The following SLC25A21 variants were observed in gnomAD, a reference collection of about 807,000 sequenced individuals.
SLC25A21 encodes solute carrier family 25 member 21, also known as mitochondrial 2-oxodicarboxylate carrier.
In SLC25A21, 47 loss-of-function variants were observed where a neutral mutation model predicts 43.8. That is an observed-to-expected ratio of 1.07 (90% CI 0.85 to 1.37). The LOEUF is 1.37. Among genes scored for constraint, SLC25A21 ranks in the 40% most tolerant of loss-of-function variants. The probability of loss-of-function intolerance (pLI) is 0.00; values close to 1 mark genes in which losing one functional copy is unlikely to be tolerated. For missense variants in SLC25A21, 352 were observed against 350.2 expected, an observed-to-expected ratio of 1.00 and a Z score of -0.04; for synonymous variants, 131 against 121.3, an observed-to-expected ratio of 1.08 and a Z score of -0.52.
chr14:36,977,528 G>A (rs898047246), intron 1 of SLC25A21, among the ~76,000 whole-genome samples: 18 of 152,212 alleles, frequency 1.2e-4, no homozygotes, highest in Non-Finnish European at 2.5e-4. Flanking sequence ...CACTGCCATG[G>A]CCTCCTACCA....
intron 3 of SLC25A21, among the ~76,000 whole-genome samples, chr14:36,807,942 C>T (rs560280468): frequency 3.3e-5 from 5 of 152,246 alleles, no homozygotes; most frequent in African/African-American, 7.2e-5. Flanking sequence ...CAATTATGCT[C>T]GAGCTCATAA....
intron 1 of SLC25A21, among the ~76,000 whole-genome samples, chr14:37,054,816 C>T (rs771616521): frequency 4.6e-5 from 7 of 152,150 alleles, no homozygotes; most frequent in Non-Finnish European, 1.0e-4. Context: ...CCCAATCTCT[C>T]GCAGCAAAAT....
intron 1 of SLC25A21, among the ~76,000 whole-genome samples, chr14:36,899,869 T>C (rs989002264): frequency 6.6e-6 from 1 of 152,206 alleles, no homozygotes; most frequent in Non-Finnish European, 1.5e-5. Flanking sequence ...ACATATTTCA[T>C]GTTTTCTGTT....
chr14:37,148,136 C>T (rs1247317117), intron 1 of SLC25A21, among the ~76,000 whole-genome samples: 2 of 152,040 alleles, frequency 1.3e-5, no homozygotes, highest in African/African-American at 2.4e-5. Flanking sequence ...CCACCCCCAG[C>T]CCTTATTTTC....
At chr14:36,732,460 T>C (rs1232207860) in intron 4 of SLC25A21, among the ~76,000 whole-genome samples, 1 of 152,158 alleles carries the variant, frequency 6.6e-6, no homozygotes, top group African/African-American at 2.4e-5. Context: ...TCTTTTCCTT[T>C]TGCTAACTAC....
chr14:37,112,962 C>CA (rs58168868), intron 1 of SLC25A21, among the ~76,000 whole-genome samples: 32 of 147,472 alleles, frequency 2.2e-4, no homozygotes, highest in Middle Eastern at 3.5e-3. Flanking sequence ...AAAATGGAAA[C>CA]AAAAAAAAAA....
At position 36,679,913 on chromosome 14, in the gene SLC25A21, TAG is replaced by T; in HGVS notation, c.*743_*744del. On this transcript the variant is annotated 3_prime_UTR_variant, in exon 10 of 10. Coordinates refer to ENST00000331299, the MANE Select transcript of SLC25A21 (RefSeq NM_030631.4). ...TTTATTTCATGTTTCCTACTTGTGT[TAG>T]AAGAGATTTGGAATACCTTGATTTA... is the stretch of plus-strand genomic sequence containing the variant. The T allele has an allele frequency of 1.1e-6, 1 of 947,258 alleles. No homozygotes were observed. The highest frequency in any genetic ancestry group is 5.4e-4 in the Middle Eastern group (1 of 1,850). The allele number at this position is 947,258 out of a possible 1,614,324, so 58.7% of individuals were successfully genotyped here.
intron 1 of SLC25A21, among the ~76,000 whole-genome samples, chr14:36,902,402 C>T (rs1448140417): frequency 1.3e-5 from 2 of 151,832 alleles, no homozygotes; most frequent in Non-Finnish European, 2.9e-5. Context: ...AGTGTCTCAA[C>T]TGTGCCATTC....
chr14:37,112,834 G>A (rs1963042980), intron 1 of SLC25A21, among the ~76,000 whole-genome samples: 1 of 152,128 alleles, frequency 6.6e-6, no homozygotes, highest in Non-Finnish European at 1.5e-5. Flanking sequence ...CTTATGGAAT[G>A]AAAACTCCTC....
chr14:37,043,919 T>C, intron 1 of SLC25A21, among the ~76,000 whole-genome samples: 1 of 145,286 alleles, frequency 6.9e-6, no homozygotes, highest in Admixed American at 6.9e-5. Flanking sequence ...GTTTTTTGTT[T>C]TGTTTGTTTT....
chr14:37,108,716 T>A (rs1179434859), intron 1 of SLC25A21, among the ~76,000 whole-genome samples: 7 of 56,772 alleles, frequency 1.2e-4, no homozygotes, highest in African/African-American at 2.1e-4. Context: ...TGTGTGTGTG[T>A]GTGTGTGTGT....
intron 7 of SLC25A21, among the ~76,000 whole-genome samples, chr14:36,706,842 C>T (rs546783795): frequency 2.0e-5 from 3 of 152,112 alleles, no homozygotes; most frequent in East Asian, 4.0e-4. Context: ...CATTTCCATG[C>T]ACACATTCTG....
At position 36,993,200 on chromosome 14, in the gene SLC25A21, A is replaced by G. The variant is rs1349716043; in HGVS notation, c.71-118196T>C. Reference sequence around the variant, plus strand: ...ATCATATTACTGCAAGCTACAACCCAGTGTCGAGTGTGTCCCTGTCTATGA... The same window carrying G: ...ATCATATTACTGCAAGCTACAACCCGGTGTCGAGTGTGTCCCTGTCTATGA... On this transcript the variant is annotated intron_variant, in intron 1 of 9. Transcript: ENST00000331299. Among the ~76,000 whole-genome samples, 7 of 152,262 alleles carry G rather than the reference A, an allele frequency of 4.6e-5. No individual in the cohort carries two copies. In the South Asian group the frequency reaches 8.3e-4, roughly 18 times the overall value.
intron 1 of SLC25A21, among the ~76,000 whole-genome samples, chr14:36,889,057 C>G (rs1314701720): frequency 6.6e-6 from 1 of 152,126 alleles, no homozygotes; most frequent in Non-Finnish European, 1.5e-5. Flanking sequence ...TACACAAATT[C>G]TTTTTGAACT....
chr14:36,981,864 AT>A (rs1960033603), intron 1 of SLC25A21, among the ~76,000 whole-genome samples: 1 of 152,196 alleles, frequency 6.6e-6, no homozygotes, highest in Admixed American at 6.5e-5. Context: ...AATTAAAAAA[AT>A]AAATAAAAAA....
chr14:36,767,713 C>T (rs1886466318), intron 3 of SLC25A21, among the ~76,000 whole-genome samples: 3 of 152,168 alleles, frequency 2.0e-5, no homozygotes, highest in Admixed American at 6.5e-5. Context: ...ATACATATGC[C>T]ACATTTTATG....
Position 36,958,796 on chromosome 14 carries a change from G to C in SLC25A21, c.71-83792C>G, listed in dbSNP as rs574376485. Among the ~76,000 whole-genome samples the C allele has an allele frequency of 3.3e-5, 5 of 152,294 alleles. No individual in the cohort carries two copies. In the East Asian group the frequency reaches 9.7e-4, roughly 29 times the overall value. On this transcript the variant is annotated intron_variant, in intron 1 of 9. Coordinates refer to ENST00000331299, the MANE Select transcript of SLC25A21 (RefSeq NM_030631.4). ...AAAAACTTACATGAGGCAGCCAAAA[G>C]ATGAATCAAAACAGAGTGGACAGAA...
intron 1 of SLC25A21, among the ~76,000 whole-genome samples, chr14:36,997,686 G>T (rs140439931): frequency 6.6e-6 from 1 of 151,822 alleles, no homozygotes; most frequent in African/African-American, 2.4e-5. Flanking sequence ...AAAATTAGCC[G>T]GGCATAGTGG....
chr14:37,143,589 C>CGT (rs10531936), intron 1 of SLC25A21, among the ~76,000 whole-genome samples: 11,292 of 148,576 alleles, frequency 0.076, 482 homozygotes, highest in Admixed American at 0.13. Flanking sequence ...TGTTCATTAG[C>CGT]GTGTGTGTGT....
Sources: allele counts gnomAD v4.1 joint callset (sites outside exome capture counted in the v4.1 genomes callset), GRCh38; gene constraint gnomAD v4.1.1; transcripts MANE v1.5; gene names NCBI Gene and HGNC (gene_info 2026-07-23, HGNC 2026-07-21).